Variants in DTL observed in about 807,000 individuals in gnomAD.
DTL encodes denticleless protein homolog.
A neutral mutation model predicts 87.0 loss-of-function variants in DTL; 46 were observed. The observed-to-expected ratio is 0.53, with a 90% confidence interval of 0.42 to 0.68. The LOEUF (loss-of-function observed/expected upper bound fraction) is 0.68. DTL is among the 30% of genes least tolerant of loss of function. The pLI is 0.00. For synonymous variants in DTL, 308 were observed against 311.2 expected (o/e 0.99, Z 0.11); for missense variants, 737 against 869.4 (o/e 0.85, Z 1.91).
At chr1:212,049,170 G>A (rs554440569) in intron 5 of DTL, among the ~76,000 whole-genome samples, 5 of 152,160 alleles carry the variant, frequency 3.3e-5, no homozygotes, top group South Asian at 2.1e-4. Context: ...TGATCTGCCC[G>A]CATTGGCTTC....
At chr1:212,098,582 G>A (rs1655517992) in intron 13 of DTL, among the ~76,000 whole-genome samples, 1 of 152,096 alleles carries the variant, frequency 6.6e-6, no homozygotes, top group Non-Finnish European at 1.5e-5. Context: ...AGGGCTTGCT[G>A]TGGCCTCTGG....
chr1:212,080,123 G>A (rs1654947756), intron 12 of DTL, among the ~76,000 whole-genome samples: 1 of 152,156 alleles, frequency 6.6e-6, no homozygotes, highest in South Asian at 2.1e-4. Context: ...AAAAGGAATG[G>A]TTTCCTTCTA....
chr1:212,065,252 A>T, intron 7 of DTL, among the ~76,000 whole-genome samples: 1 of 152,206 alleles, frequency 6.6e-6, no homozygotes, highest in East Asian at 1.9e-4. Flanking sequence ...AAATATATGT[A>T]GCCTCGTTGA....
intron 5 of DTL, among the ~76,000 whole-genome samples, chr1:212,052,742 T>A (rs67417805): frequency 0.32 from 47,714 of 147,504 alleles, 8,866 homozygotes; most frequent in Middle Eastern, 0.45. Flanking sequence ...ATATATATAT[T>A]TTTTTTCAAT....
chr1:212,091,806 C>A (rs1442243869), intron 13 of DTL, among the ~76,000 whole-genome samples: 1 of 152,144 alleles, frequency 6.6e-6, no homozygotes, highest in East Asian at 1.9e-4. Flanking sequence ...TTTAAATGTT[C>A]TTACCACAAA....
At chr1:212,060,645 G>A (rs901676771) in intron 5 of DTL, among the ~76,000 whole-genome samples, 1 of 150,048 alleles carries the variant, frequency 6.7e-6, no homozygotes, top group Non-Finnish European at 1.5e-5. Context: ...TGAGGCATGA[G>A]AATCGCTTGA....
chr1:212,040,964 G>GT (rs1330469408), intron 1 of DTL, among the ~76,000 whole-genome samples: 1 of 152,244 alleles, frequency 6.6e-6, no homozygotes, highest in African/African-American at 2.4e-5. Context: ...GAAACCACGG[G>GT]TGAGGGGTAA....
At chr1:212,102,730 G>T in intron 14 of DTL, 112 bp from the exon 15 acceptor site, 2 of 685,206 alleles carry the variant, frequency 2.9e-6, no homozygotes, top group Non-Finnish European at 5.0e-6. Context: ...GGAGCTGAAA[G>T]CAGGCTAAAC....
intron 11 of DTL, among the ~76,000 whole-genome samples, chr1:212,076,770 C>T (rs1654842757): frequency 1.3e-5 from 2 of 152,210 alleles, no homozygotes; most frequent in Non-Finnish European, 1.5e-5. Context: ...TAGTTAGAGA[C>T]GATCTTCAAA....
chr1:212,050,085 C>T (rs1182463224), intron 5 of DTL, among the ~76,000 whole-genome samples: 1 of 151,880 alleles, frequency 6.6e-6, no homozygotes, highest in African/African-American at 2.4e-5. Flanking sequence ...GTGGGAGGAT[C>T]GCTTGAGCCC....
At chr1:212,084,466 G>A (rs575685400) in intron 13 of DTL, among the ~76,000 whole-genome samples, 5 of 152,166 alleles carry the variant, frequency 3.3e-5, no homozygotes, top group Middle Eastern at 3.4e-3. Context: ...GATTACAGGC[G>A]TGAGCCACCG....
chr1:212,095,918 C>G (rs112209696), intron 13 of DTL, among the ~76,000 whole-genome samples: 402 of 152,162 alleles, frequency 2.6e-3, no homozygotes, highest in African/African-American at 9.5e-3. Context: ...CCCTCTTTCT[C>G]TTTTGGAATG....
intron 5 of DTL, among the ~76,000 whole-genome samples, chr1:212,060,242 A>G (rs1668302001): frequency 6.6e-6 from 1 of 152,104 alleles, no homozygotes; most frequent in Non-Finnish European, 1.5e-5. Flanking sequence ...AATATAGCTA[A>G]TATAATAACT....
intron 5 of DTL, among the ~76,000 whole-genome samples, chr1:212,056,051 G>A (rs1668165233): frequency 6.6e-6 from 1 of 152,164 alleles, no homozygotes; most frequent in African/African-American, 2.4e-5. Context: ...GAACACTTGG[G>A]TTCCAGGGGA....
At chr1:212,051,040 G>A (rs1247622430) in intron 5 of DTL, among the ~76,000 whole-genome samples, 2 of 151,934 alleles carry the variant, frequency 1.3e-5, no homozygotes, top group African/African-American at 2.4e-5. Context: ...TTTCATAGTT[G>A]CTTTTACCTA....
chr1:212,100,708 G>A lies in DTL; in HGVS notation c.1718G>A (p.Cys573Tyr). 1 of 1,614,136 alleles carries A rather than the reference G, an allele frequency of 6.2e-7. No individual in the cohort carries two copies. The highest frequency in any genetic ancestry group is 1.7e-5 in the Admixed American group (1 of 60,016). The change falls in exon 14 of 15, where the codon TGT becomes TAT. Residue 573 changes from cysteine (C) to tyrosine (Y), a missense_variant. Cys to Tyr is a radical substitution (Grantham distance 194, BLOSUM62 -2). Transcript: ENST00000366991. ...CAAAAGTGTGTGAAGAGTTGTAACTGTGTGACTGAGCTTGATGGCCAAGTT... is the reference window on the plus strand; with the variant it reads ...CAAAAGTGTGTGAAGAGTTGTAACTATGTGACTGAGCTTGATGGCCAAGTT... ...VKQKCVKSCN[C>Y]VTELDGQVEN...
At position 212,100,954 on chromosome 1, in the gene DTL, G is replaced by T; in HGVS notation, c.1964G>T (p.Ser655Ile). Reference protein sequence around the residue: ...EGSEMVGKENSSPENKNWLLA... With the variant: ...EGSEMVGKENISPENKNWLLA... Reference sequence around the variant, plus strand: ...TCTGAAATGGTAGGCAAAGAGAATAGTTCCCCAGAGAATAAAAACTGGTTG... The same window carrying T: ...TCTGAAATGGTAGGCAAAGAGAATATTTCCCCAGAGAATAAAAACTGGTTG... Residue 655 changes from serine (S) to isoleucine (I), a missense_variant, in exon 14 of 15, where the codon AGT becomes ATT. Coordinates refer to ENST00000366991, the MANE Select transcript of DTL (RefSeq NM_016448.4). 6.2e-7 allele frequency: 1 copy of T among 1,614,144 alleles called. No homozygotes were observed. Among genetic ancestry groups the T allele is most frequent in the Non-Finnish European group, 8.5e-7 (1 of 1,180,014 alleles).
Position 212,100,255 on chromosome 1 carries a change from C to T in DTL, c.1265C>T (p.Thr422Ile). 1.3e-6 allele frequency: 2 copies of T among 1,537,274 alleles called. No homozygotes were observed. Among genetic ancestry groups the T allele is most frequent in the South Asian group, 1.3e-5 (1 of 78,104 alleles). ...KKKESRPGLV[T>I]VTSSQSTPAK... ...ATGATCCTCTCCTCTTTTTCAGTAA[C>T]AGTAACGAGTAGCCAGAGTACTCCT... is the stretch of plus-strand genomic sequence containing the variant. Residue 422 changes from threonine (T) to isoleucine (I), a missense_variant, in exon 14 of 15, where the codon ACA becomes ATA. By Grantham distance (89) the Thr-to-Ile change is moderately conservative. Coordinates refer to ENST00000366991, the MANE Select transcript of DTL (RefSeq NM_016448.4).
intron 13 of DTL, among the ~76,000 whole-genome samples, chr1:212,094,929 T>C (rs1416521820): frequency 6.6e-6 from 1 of 152,220 alleles, no homozygotes; most frequent in Non-Finnish European, 1.5e-5. Flanking sequence ...CTGATTTATG[T>C]ACATTGATTT....
Sources: gnomAD v4.1 joint callset for allele counts (sites outside exome capture counted in the v4.1 genomes callset) on GRCh38, gnomAD v4.1.1 for gene constraint, MANE v1.5 for transcripts, NCBI Gene and HGNC (gene_info 2026-07-23, HGNC 2026-07-21) for gene names.